Variants in ARRB1 observed in about 807,000 individuals in gnomAD.
The protein encoded by ARRB1 is beta-arrestin-1.
In ARRB1, 21 loss-of-function variants were observed where a neutral mutation model predicts 56.8. That is an observed-to-expected ratio of 0.37 (90% CI 0.26 to 0.53). The LOEUF (loss-of-function observed/expected upper bound fraction) is 0.53. Ranked by LOEUF, ARRB1 falls within the 20% of genes least tolerant of loss-of-function variation. The pLI, the probability that ARRB1 is intolerant of heterozygous loss-of-function variation, is 0.88. For missense variants in ARRB1, 424 were observed against 553.7 expected (o/e 0.77, Z 2.35); for synonymous variants, 210 against 218.6 (o/e 0.96, Z 0.35).
At chr11:75,284,138 G>A (rs976220015) in intron 4 of ARRB1, 97 bp downstream of exon 4, 2 of 1,284,112 alleles carry the variant, frequency 1.6e-6, no homozygotes, top group South Asian at 1.5e-5. Flanking sequence ...GGGCTTTCAG[G>A]GGAACCAGTG....
At chr11:75,294,946 A>T (rs1281867087) in intron 1 of ARRB1, among the ~76,000 whole-genome samples, 1 of 152,016 alleles carries the variant, frequency 6.6e-6, no homozygotes, top group Non-Finnish European at 1.5e-5. Flanking sequence ...CAAACAGGCC[A>T]GGTGTGGTGG....
chr11:75,276,774 C>T, intron 10 of ARRB1, 65 bp downstream of exon 10: 1 of 1,545,826 alleles, frequency 6.5e-7, no homozygotes, highest in Non-Finnish European at 8.9e-7. Context: ...TGTAACAGGA[C>T]ACCTAGAGCT....
intron 9 of ARRB1, 84 bp from the exon 10 acceptor site, chr11:75,276,995 T>C: frequency 7.1e-7 from 1 of 1,402,438 alleles, no homozygotes; most frequent in Non-Finnish European, 1.0e-6. Context: ...GTTGGGGATA[T>C]TCAGCCCCAG....
Position 75,343,751 on chromosome 11 carries a change from C to T in ARRB1, c.20+7837G>A, listed in dbSNP as rs1467569469. Among the ~76,000 whole-genome samples the T allele has an allele frequency of 6.6e-5, 10 of 152,160 alleles. No individual in the cohort carries two copies. In the South Asian group the frequency reaches 1.9e-3, roughly 28 times the overall value. ...CAGATCACCGAAGGGCCTGCAGGTG[C>T]CCAGAGGAGGCCCCAGAGCAGCAGA... On this transcript the variant is annotated intron_variant, in intron 1 of 15. Transcript: ENST00000420843.
chr11:75,269,974 G>A (rs924285815), intron 13 of ARRB1, among the ~76,000 whole-genome samples: 1 of 152,236 alleles, frequency 6.6e-6, no homozygotes, highest in African/African-American at 2.4e-5. Context: ...TGATCTTGTT[G>A]TCCAGAGCCC....
At chr11:75,279,056 C>T (rs1489509580) in intron 7 of ARRB1, among the ~76,000 whole-genome samples, 2 of 152,224 alleles carry the variant, frequency 1.3e-5, no homozygotes, top group Non-Finnish European at 2.9e-5. Flanking sequence ...ATTGTCACTT[C>T]CTGACTCCCT....
chr11:75,290,171 C>A, intron 1 of ARRB1, 132 bp from the exon 2 acceptor site: 2 of 1,026,152 alleles, frequency 1.9e-6, no homozygotes, highest in South Asian at 1.5e-5. Flanking sequence ...GCTTGAGATC[C>A]GAACAGTGCC....
At chr11:75,304,536 T>C (rs1276909930) in intron 1 of ARRB1, among the ~76,000 whole-genome samples, 1 of 152,080 alleles carries the variant, frequency 6.6e-6, no homozygotes, top group African/African-American at 2.4e-5. Flanking sequence ...TTTAAGAATT[T>C]TGTGAGGTAG....
intron 1 of ARRB1, among the ~76,000 whole-genome samples, chr11:75,333,976 G>A (rs1175165033): frequency 4.6e-5 from 7 of 152,102 alleles, no homozygotes; most frequent in Admixed American, 3.9e-4. Context: ...CCAGACTCCT[G>A]ACCCAGTCCC....
intron 1 of ARRB1, among the ~76,000 whole-genome samples, chr11:75,338,577 G>T (rs1323474908): frequency 6.6e-6 from 1 of 152,116 alleles, no homozygotes; most frequent in African/African-American, 2.4e-5. Context: ...TCAGTGTGGG[G>T]CCAGGTCATG....
chr11:75,312,300 T>G, intron 1 of ARRB1: 1 of 498,942 alleles, frequency 2.0e-6, no homozygotes, highest in Non-Finnish European at 3.4e-6. Flanking sequence ...GGCTCAAGTC[T>G]GCCACTTCCT....
At chr11:75,340,733 G>A (rs1947680749) in intron 1 of ARRB1, among the ~76,000 whole-genome samples, 1 of 152,232 alleles carries the variant, frequency 6.6e-6, no homozygotes, top group Non-Finnish European at 1.5e-5. Flanking sequence ...TCCCTTGGCA[G>A]AAAGCCAGGC....
At chr11:75,332,580 T>C (rs925972543) in intron 1 of ARRB1, among the ~76,000 whole-genome samples, 3 of 152,192 alleles carry the variant, frequency 2.0e-5, no homozygotes, top group Admixed American at 2.0e-4. Flanking sequence ...CTCAACCACC[T>C]GTCAACCAGA....
intron 4 of ARRB1, 55 bp from the exon 5 acceptor site, chr11:75,283,538 C>T (rs1946399043): frequency 3.3e-6 from 5 of 1,504,460 alleles, no homozygotes; most frequent in Non-Finnish European, 2.7e-6. Context: ...AAGCGAGCCC[C>T]CCAGAGTGCC....
At chr11:75,270,069 C>T (rs1258306669) in intron 13 of ARRB1, among the ~76,000 whole-genome samples, 6 of 152,274 alleles carry the variant, frequency 3.9e-5, no homozygotes, top group Non-Finnish European at 8.8e-5. Flanking sequence ...CCAGCCTCGC[C>T]ACCCGCTGGT....
intron 1 of ARRB1, among the ~76,000 whole-genome samples, chr11:75,336,450 C>G (rs1182051787): frequency 1.3e-5 from 2 of 152,150 alleles, no homozygotes; most frequent in Admixed American, 6.5e-5. Context: ...AGGCAGCCAC[C>G]CAGTGCTTGC....
chr11:75,302,849 C>T (rs1253257772), intron 1 of ARRB1, among the ~76,000 whole-genome samples: 2 of 152,042 alleles, frequency 1.3e-5, no homozygotes, highest in African/African-American at 2.4e-5. Context: ...AGTTCTCCCC[C>T]AAGTGTCCCT....
intron 9 of ARRB1, 66 bp from the exon 10 acceptor site, chr11:75,276,977 G>A (rs369532753): frequency 8.9e-5 from 136 of 1,522,502 alleles, no homozygotes; most frequent in Non-Finnish European, 1.1e-4. Context: ...TCTCACAGGC[G>A]TCCCCGGGTT....
intron 1 of ARRB1, among the ~76,000 whole-genome samples, chr11:75,348,123 C>T (rs1947800027): frequency 6.6e-6 from 1 of 152,216 alleles, no homozygotes; most frequent in African/African-American, 2.4e-5. Flanking sequence ...GCCTGACATT[C>T]CCAGACTGCT....
Sources: gnomAD v4.1 joint callset for allele counts (sites outside exome capture counted in the v4.1 genomes callset) on GRCh38, gnomAD v4.1.1 for gene constraint, MANE v1.5 for transcripts, NCBI Gene and HGNC (gene_info 2026-07-23, HGNC 2026-07-21) for gene names.